The following DHX8 variants were observed in gnomAD, a reference collection of about 807,000 sequenced individuals.
DHX8 encodes ATP-dependent RNA helicase DHX8.
Under a neutral mutation model 140.7 loss-of-function variants are expected in DHX8, and 67 were observed. The ratio of observed to expected loss-of-function variants is 0.48; its 90% CI spans 0.39 to 0.58. The LOEUF is 0.58. DHX8 is among the 20% of genes least tolerant of loss of function. The pLI is 0.00. For synonymous variants in DHX8, 533 were observed against 553.2 expected (o/e 0.96, Z 0.51); for missense variants, 887 against 1,550.7 (o/e 0.57, Z 7.19).
chr17:43,525,952 G>A (rs562534091), downstream of DHX8: 85 of 985,386 alleles, frequency 8.6e-5, 1 homozygote, highest in Non-Finnish European at 1.0e-4. Flanking sequence ...AGCAGGGTTC[G>A]TTATCTTTTC....
intron 16 of DHX8, among the ~76,000 whole-genome samples, chr17:43,508,865 C>T (rs1300952289): frequency 1.3e-5 from 2 of 151,958 alleles, no homozygotes; most frequent in African/African-American, 2.4e-5. Flanking sequence ...GTGATCCGCC[C>T]GCCTCAGCCT....
In DHX8 at chr17:43,484,165, G is replaced by T. The variant is rs755584232; in HGVS notation, c.128G>T (p.Gly43Val). Residue 43 changes from glycine (G) to valine (V), a missense_variant, in exon 1 of 23, where the codon GGG becomes GTG. Around this residue, in one of 9 missense-constraint regions of DHX8, gnomAD observed 304 missense variants for 306.9 expected, o/e 0.99. Coordinates refer to ENST00000262415, the MANE Select transcript of DHX8 (RefSeq NM_004941.3). ...KVCTELDNHL[G>V]INDKDLAEFV... Reference sequence around the variant, plus strand: ...TGCACTGAGCTGGACAATCACTTGGGGATCAACGACAAGGACCTTGGTGAG... The same window carrying T: ...TGCACTGAGCTGGACAATCACTTGGTGATCAACGACAAGGACCTTGGTGAG... 1.2e-6 allele frequency: 2 copies of T among 1,614,108 alleles called. No individual in the cohort carries two copies. Among genetic ancestry groups the T allele is most frequent in the South Asian group, 1.1e-5 (1 of 91,080 alleles).
intron 4 of DHX8, 108 bp downstream of exon 4, chr17:43,491,358 T>C: frequency 1.8e-6 from 1 of 548,654 alleles, no homozygotes. Context: ...TTGTAACTTA[T>C]TTTTAAGAAT....
At chr17:43,489,804 A>T (rs573121524) in intron 2 of DHX8, among the ~76,000 whole-genome samples, 2 of 152,074 alleles carry the variant, frequency 1.3e-5, no homozygotes, top group Non-Finnish European at 2.9e-5. Context: ...GTTAGCCAGG[A>T]TGGTCTCGAT....
Position 43,508,511 on chromosome 17 carries a change from C to T in DHX8, c.2493C>T (p.Gly831=). 6.2e-7 allele frequency: 1 copy of T among 1,610,964 alleles called. No individual in the cohort carries two copies. The highest frequency in any genetic ancestry group is 2.2e-5 in the East Asian group (1 of 44,858). The change falls in exon 16 of 23, where the codon GGC becomes GGT. Residue 831 remains glycine (G), a synonymous_variant. Coordinates refer to ENST00000262415, the MANE Select transcript of DHX8 (RefSeq NM_004941.3). The stretch of plus-strand genomic sequence containing the variant: ...GAATCTTTGACCCAGCTCCACCAGG[C>T]AGCAGAAAGGTAACATGGGCAAAAA... ...QTRIFDPAPP[G]SRKVVIATNI...
In DHX8 at chr17:43,523,872, T is replaced by C. The variant is rs1970507518; in HGVS notation, c.*25T>C. 6.2e-7 allele frequency: 1 copy of C among 1,613,770 alleles called. No individual in the cohort carries two copies. The highest frequency in any genetic ancestry group is 8.5e-7 in the Non-Finnish European group (1 of 1,179,858). ...AAAGGCAAGATTGTTCCTTTGCCTC[T>C]CCAGCAGCAGTAGCCAGGGCTTGGA... On this transcript the variant is annotated 3_prime_UTR_variant, in exon 23 of 23. Coordinates refer to ENST00000262415, the MANE Select transcript of DHX8 (RefSeq NM_004941.3).
At chr17:43,521,726 C>G (rs1309855418) in intron 21 of DHX8, among the ~76,000 whole-genome samples, 161 bp downstream of exon 21, 1 of 152,080 alleles carries the variant, frequency 6.6e-6, no homozygotes, top group Non-Finnish European at 1.5e-5. Flanking sequence ...ATTCCTTCTC[C>G]CCAAGTAAGG....
In DHX8 at chr17:43,507,547, A is replaced by G; in HGVS notation, c.1968A>G (p.Thr656=). Residue 656 remains threonine (T), a synonymous_variant, in exon 14 of 23, where the codon ACA becomes ACG. Transcript: ENST00000262415. The stretch of plus-strand genomic sequence containing the variant: ...TTGAGGACTGCACTAGCCCTGAAAC[A>G]GTCATCAAGTACATGACAGATGGGA... ...IRFEDCTSPE[T]VIKYMTDGML... is the part of the protein sequence containing the mutation. 1.9e-6 allele frequency: 3 copies of G among 1,614,200 alleles called. No homozygotes were observed. The highest frequency in any genetic ancestry group is 2.5e-6 in the Non-Finnish European group (3 of 1,180,038).
rs994933607 is a variant in DHX8, at chr17:43,524,187, T to C, written c.*340T>C. The C allele has an allele frequency of 6.0e-6, 7 of 1,161,388 alleles. No homozygotes were observed. The highest frequency in any genetic ancestry group is 7.5e-6 in the Non-Finnish European group (7 of 934,494). 71.9% of individuals were successfully genotyped at this position (1,161,388 alleles called of 1,614,324 possible). On this transcript the variant is annotated 3_prime_UTR_variant, in exon 23 of 23. Transcript: ENST00000262415. The stretch of plus-strand genomic sequence containing the variant: ...GTGAGCATCTTGTGCAGGGACATGG[T>C]GAGTGCCCTGATGCCCCAGCTAGCA...
rs772490499 is a variant in DHX8, at chr17:43,492,770, A to T, written c.593A>T (p.His198Leu). ...AGGGAACGAAACCGAGATAGAGACC[A>T]CAAGCGGAGACACCGATCCCGCTCT... ...RDRERNRDRD[H>L]KRRHRSRSRS... Residue 198 changes from histidine (H) to leucine (L), a missense_variant, in exon 6 of 23, where the codon CAC becomes CTC. Physicochemically the swap from His to Leu is moderately conservative, Grantham distance 99. Coordinates refer to ENST00000262415, the MANE Select transcript of DHX8 (RefSeq NM_004941.3). 88 of 1,614,052 alleles carry T rather than the reference A, an allele frequency of 5.5e-5. No homozygotes were observed. Among genetic ancestry groups the T allele is most frequent in the Non-Finnish European group, 7.5e-5 (88 of 1,179,992 alleles).
chr17:43,488,802 C>T (rs1312071168), intron 1 of DHX8, among the ~76,000 whole-genome samples: 2 of 152,114 alleles, frequency 1.3e-5, no homozygotes, highest in African/African-American at 2.4e-5. Context: ...ACAGTCTAGT[C>T]TAGGTGGCAG....
At chr17:43,499,072 C>T in intron 10 of DHX8, 113 bp downstream of exon 10, 2 of 761,418 alleles carry the variant, frequency 2.6e-6, no homozygotes, top group South Asian at 1.8e-5. Context: ...GAAAGTATTA[C>T]TGGCTGTTAG....
In DHX8 at chr17:43,507,149, G is replaced by A. The variant is rs779123978; in HGVS notation, c.1875G>A (p.Ser625=). Residue 625 remains serine, a synonymous_variant, in exon 13 of 23, where the codon TCG becomes TCA. Transcript: ENST00000262415. ...CTQPRRVAAM[S]VAKRVSEEFG... ...AGCCCAGAAGAGTGGCAGCTATGTC[G>A]GTGGCCAAAAGAGTGTCAGAGGAGT... 1.2e-5 allele frequency: 20 copies of A among 1,613,922 alleles called. No individual in the cohort carries two copies. The highest frequency in any genetic ancestry group is 4.5e-5 in the East Asian group (2 of 44,886).
In DHX8 at chr17:43,522,233, G is replaced by A; in HGVS notation, c.3443+7G>A. The A allele has an allele frequency of 6.2e-7, 1 of 1,611,274 alleles. No individual in the cohort carries two copies. The highest frequency in any genetic ancestry group is 8.5e-7 in the Non-Finnish European group (1 of 1,178,026). On this transcript the variant is annotated splice_region_variant and intron_variant, in intron 22 of 22. Transcript: ENST00000262415. ...TCAACAGACAGCCAGAATGGTAGGT[G>A]GACATGTCCCAGGGTCTAGGGGCTT...
rs1184949382 is a variant in DHX8 at position 43,520,682 on chromosome 17, G to A, written c.2938-69G>A. Reference sequence around the variant, plus strand: ...TGTGTTGTTACCCACTCTGACCAAGGTCTTGCTCTGGTGAATCCAAATGTG... The same window carrying A: ...TGTGTTGTTACCCACTCTGACCAAGATCTTGCTCTGGTGAATCCAAATGTG... On this transcript the variant is annotated intron_variant, in intron 19 of 22. Transcript: ENST00000262415. The A allele has an allele frequency of 1.0e-5, 16 of 1,603,220 alleles. No individual in the cohort carries two copies. The African/African-American group carries it at 1.3e-4, about 13-fold the overall frequency.
intron 9 of DHX8, 77 bp downstream of exon 9, chr17:43,496,345 C>A: frequency 1.0e-6 from 1 of 973,352 alleles, no homozygotes. Context: ...GTAGTTTAAC[C>A]CAGTGGCTAT....
At chr17:43,541,137 T>G (rs1033558232) in intron 3 of DHX8, among the ~76,000 whole-genome samples, 2 of 152,120 alleles carry the variant, frequency 1.3e-5, no homozygotes, top group Non-Finnish European at 2.9e-5. Context: ...TGCCATCCTC[T>G]TCCCAGAGCC....
chr17:43,533,480 G>A lies in DHX8; in HGVS notation c.351-2932G>A, dbSNP rs896854443. 8.7e-5 allele frequency: 75 copies of A among 859,602 alleles called. 2 individuals are homozygous for A. The highest frequency in any genetic ancestry group is 5.0e-4 in the South Asian group (28 of 55,770). 53.2% of individuals were successfully genotyped at this position (859,602 alleles called of 1,614,324 possible). A position where few individuals can be genotyped will look rare whatever the true frequency, so the allele number is the denominator to read the frequency against. The stretch of plus-strand genomic sequence containing the variant: ...GGATAGAGGGGGCTGAGAAGGGAAC[G>A]GCAGGAGCCACAGACTCAGCCCTAG... On this transcript the variant is annotated intron_variant, in intron 2 of 3. Coordinates refer to the DHX8 transcript ENST00000589898.
chr17:43,513,281 A>T (rs1423688657), intron 16 of DHX8, 81 bp from the exon 17 acceptor site: 1 of 1,456,486 alleles, frequency 6.9e-7, no homozygotes, highest in Non-Finnish European at 9.3e-7. Context: ...CTTTGGGAAG[A>T]TATCTGGGTT....
Sources: gnomAD v4.1 joint callset for allele counts (sites outside exome capture counted in the v4.1 genomes callset) on GRCh38, gnomAD v4.1.1 for gene constraint, gnomAD v4.1.1 regional missense constraint, MANE v1.5 for transcripts, NCBI Gene and HGNC (gene_info 2026-07-23, HGNC 2026-07-21) for gene names.